The following ZNF385D variants were observed in gnomAD, a reference collection of about 807,000 sequenced individuals.
ZNF385D encodes zinc finger protein 659.
ZNF385D carries 15 observed loss-of-function variants against 35.8 expected under a neutral mutation model. That is an observed-to-expected ratio of 0.42 (90% CI 0.28 to 0.64). The LOEUF (loss-of-function observed/expected upper bound fraction) is 0.64, where lower values mean the gene tolerates loss of function less well. Ranked by LOEUF, ZNF385D falls within the 30% of genes least tolerant of loss-of-function variation. The pLI, the probability that ZNF385D is intolerant of heterozygous loss-of-function variation, is 0.23. For missense variants in ZNF385D, 474 were observed against 494.6 expected, an observed-to-expected ratio of 0.96 and a Z score of 0.39; for synonymous variants, 212 against 186.8, an observed-to-expected ratio of 1.13 and a Z score of -1.10.
intron 3 of ZNF385D, among the ~76,000 whole-genome samples, chr3:21,978,886 A>G (rs1203362343): frequency 6.6e-6 from 1 of 152,154 alleles, no homozygotes; most frequent in Non-Finnish European, 1.5e-5. Context: ...CTTAAAAAAA[A>G]TTTACTTTTC....
intron 3 of ZNF385D, among the ~76,000 whole-genome samples, chr3:21,853,597 C>T (rs953744598): frequency 3.4e-5 from 5 of 148,490 alleles, no homozygotes; most frequent in South Asian, 2.1e-4. Flanking sequence ...GAAGTGGACC[C>T]GAACAAAAGG....
intron 3 of ZNF385D, among the ~76,000 whole-genome samples, chr3:21,979,031 C>T (rs2125363201): frequency 6.6e-6 from 1 of 152,230 alleles, no homozygotes; most frequent in East Asian, 1.9e-4. Context: ...CTCCAAAAGC[C>T]TGCTCAATGG....
intron 2 of ZNF385D, among the ~76,000 whole-genome samples, chr3:21,577,296 A>T (rs1467344956): frequency 6.6e-6 from 1 of 152,204 alleles, no homozygotes; most frequent in African/African-American, 2.4e-5. Flanking sequence ...CACTAGACAT[A>T]ATGTCCTCCA....
intron 4 of ZNF385D, among the ~76,000 whole-genome samples, chr3:21,507,213 G>A (rs955395271): frequency 3.9e-5 from 6 of 151,910 alleles, no homozygotes; most frequent in East Asian, 1.9e-4. Context: ...AGAGAAAACC[G>A]CCAAATCAAT....
chr3:21,899,983 A>G (rs1699317809), intron 3 of ZNF385D, among the ~76,000 whole-genome samples: 1 of 152,176 alleles, frequency 6.6e-6, no homozygotes, highest in Admixed American at 6.6e-5. Flanking sequence ...ACACGGTTTA[A>G]GTTAAGTGGT....
intron 3 of ZNF385D, among the ~76,000 whole-genome samples, chr3:21,784,348 A>G (rs2071604773): frequency 6.6e-6 from 1 of 152,200 alleles, no homozygotes; most frequent in Non-Finnish European, 1.5e-5. Flanking sequence ...ATATGAGCAC[A>G]ATCACTTTAA....
intron 3 of ZNF385D, among the ~76,000 whole-genome samples, chr3:21,889,448 G>A (rs1698726412): frequency 6.6e-6 from 1 of 152,188 alleles, no homozygotes; most frequent in Non-Finnish European, 1.5e-5. Flanking sequence ...CCCAGTGATA[G>A]CACCCAGTGG....
At chr3:22,352,345 G>A (rs1364782232) in intron 2 of ZNF385D, among the ~76,000 whole-genome samples, 2 of 152,136 alleles carry the variant, frequency 1.3e-5, no homozygotes, top group Non-Finnish European at 2.9e-5. Flanking sequence ...GCATTGCAAA[G>A]CATTTTAGGC....
chr3:21,624,540 C>T (rs112228866), intron 2 of ZNF385D, among the ~76,000 whole-genome samples: 3 of 152,144 alleles, frequency 2.0e-5, no homozygotes, highest in African/African-American at 7.2e-5. Context: ...TACTCTGAGA[C>T]TTTATAATGA....
intron 1 of ZNF385D, among the ~76,000 whole-genome samples, chr3:21,686,801 T>C (rs973069955): frequency 1.3e-5 from 2 of 152,230 alleles, no homozygotes; most frequent in Non-Finnish European, 2.9e-5. Flanking sequence ...AAATTAGTTA[T>C]AGATTCAAGG....
At chr3:21,753,721 T>G (rs1158950295), upstream of ZNF385D, among the ~76,000 whole-genome samples, 1 of 151,936 alleles carries the variant, frequency 6.6e-6, no homozygotes, top group African/African-American at 2.4e-5. Flanking sequence ...TACATAAAAC[T>G]ATTTTATTTA....
chr3:21,725,936 C>A (rs2068745116), intron 1 of ZNF385D, among the ~76,000 whole-genome samples: 1 of 152,182 alleles, frequency 6.6e-6, no homozygotes, highest in Admixed American at 6.5e-5. Context: ...CAATAAAATA[C>A]TGGCAAACCA....
intron 3 of ZNF385D, among the ~76,000 whole-genome samples, chr3:21,775,745 T>C (rs1459330706): frequency 6.6e-6 from 1 of 151,920 alleles, no homozygotes; most frequent in Non-Finnish European, 1.5e-5. Flanking sequence ...ATCATTTTCT[T>C]ATTGATTTAA....
chr3:21,634,100 A>G (rs2065356530), intron 2 of ZNF385D, among the ~76,000 whole-genome samples: 1 of 151,830 alleles, frequency 6.6e-6, no homozygotes, highest in African/African-American at 2.4e-5. Flanking sequence ...GGGAGGCTGA[A>G]GTGGAAGAAT....
intron 3 of ZNF385D, among the ~76,000 whole-genome samples, chr3:22,001,696 C>T (rs1028445429): frequency 4.0e-5 from 6 of 151,792 alleles, no homozygotes; most frequent in African/African-American, 1.2e-4. Flanking sequence ...GCATAGGAAA[C>T]ATTCTTTAGG....
In ZNF385D at chr3:21,910,084, T is replaced by TACAC. The variant is rs112815077; in HGVS notation, c.326-245060_326-245057dup. On this transcript the variant is annotated intron_variant, in intron 3 of 5. Coordinates refer to the ZNF385D transcript ENST00000494108. ...TTAGCTGTGGGTTAAACATATATTT[T>TACAC]ACACACACACACACACACACACAGA... Among the ~76,000 whole-genome samples the TACAC allele has an allele frequency of 4.1e-3, 605 of 149,296 alleles. 5 individuals carry two copies. The highest frequency in any genetic ancestry group is 0.012 in the African/African-American group (498 of 40,726).
chr3:21,741,040 A>G (rs747322563), intron 1 of ZNF385D, among the ~76,000 whole-genome samples: 3 of 146,912 alleles, frequency 2.0e-5, no homozygotes, highest in Non-Finnish European at 4.6e-5. Context: ...GGAATAACTC[A>G]TGGCAGTGCC....
chr3:22,079,535 T>C (rs1201887016), intron 3 of ZNF385D, among the ~76,000 whole-genome samples: 1 of 151,872 alleles, frequency 6.6e-6, no homozygotes, highest in Non-Finnish European at 1.5e-5. Flanking sequence ...AGTAGATGAT[T>C]AGGACAAAAC....
At chr3:21,582,463 T>C (rs2063694778) in intron 2 of ZNF385D, among the ~76,000 whole-genome samples, 1 of 152,062 alleles carries the variant, frequency 6.6e-6, no homozygotes, top group South Asian at 2.1e-4. Context: ...CTTCTGCATA[T>C]TTTTTTTCTC....
Sources: allele counts gnomAD v4.1 joint callset (sites outside exome capture counted in the v4.1 genomes callset), GRCh38; gene constraint gnomAD v4.1.1; transcripts MANE v1.5; gene names NCBI Gene and HGNC (gene_info 2026-07-23, HGNC 2026-07-21).